Variants in FRAS1 observed in about 807,000 individuals in gnomAD.
The protein encoded by FRAS1 is extracellular matrix organizing protein FRAS1.
Under a neutral mutation model 435.2 loss-of-function variants are expected in FRAS1, and 290 were observed. The ratio of observed to expected loss-of-function variants is 0.67; its 90% CI spans 0.61 to 0.73. The LOEUF (loss-of-function observed/expected upper bound fraction) is 0.73, where lower values mean the gene tolerates loss of function less well. Among genes scored for constraint, FRAS1 ranks in the 30% least tolerant of loss-of-function variants. The pLI is 0.00. For missense variants in FRAS1, 4,860 were observed against 5,001.5 expected (o/e 0.97, Z 0.85); for synonymous variants, 1,800 against 1,851.0 (o/e 0.97, Z 0.71).
Position 78,445,634 on chromosome 4 carries a change from A to T in FRAS1, c.5778A>T (p.Pro1926=), listed in dbSNP as rs767177500. ...AGAGTGTTCATGAAAGCATTGAGCCAACCCATGATATTTTTAGTTTTTATG... is the reference window on the plus strand; with the variant it reads ...AGAGTGTTCATGAAAGCATTGAGCCTACCCATGATATTTTTAGTTTTTATG... ...YFQSVHESIE[P]THDIFSFYVS... is the part of the protein sequence containing the mutation. Residue 1926 remains proline (P), a synonymous_variant, in exon 42 of 74, where the codon CCA becomes CCT. Transcript: ENST00000512123. The T allele has an allele frequency of 6.2e-7, 1 of 1,613,938 alleles. No homozygotes were observed. The highest frequency in any genetic ancestry group is 8.5e-7 in the Non-Finnish European group (1 of 1,179,850).
chr4:78,191,917 A>G (rs1465154034), intron 2 of FRAS1, among the ~76,000 whole-genome samples: 2 of 152,142 alleles, frequency 1.3e-5, no homozygotes, highest in Non-Finnish European at 2.9e-5. Flanking sequence ...TATATGTGCC[A>G]CATTTTCTTA....
chr4:78,336,922 C>T (rs1396027515), intron 19 of FRAS1, among the ~76,000 whole-genome samples: 3 of 152,146 alleles, frequency 2.0e-5, no homozygotes, highest in Non-Finnish European at 2.9e-5. Flanking sequence ...CAGCTGCAGC[C>T]GCCTCTGATT....
rs190627479 is a variant in FRAS1, at chr4:78,161,180, G to A, written c.109-76330G>A. On this transcript the variant is annotated intron_variant, in intron 2 of 73. Transcript: ENST00000512123. ...ATAAAAAGAAGCTTTATAAAGAAAA[G>A]GAAAGTAATAGGATTATTTTAATTA... 1.0e-3 allele frequency among the ~76,000 whole-genome samples: 154 copies of A among 151,916 alleles called. 1 individual carries two copies. Among genetic ancestry groups the A allele is most frequent in the Admixed American group, 3.7e-3 (57 of 15,242 alleles).
chr4:78,396,423 G>A (rs1732666145), intron 29 of FRAS1, among the ~76,000 whole-genome samples: 1 of 152,142 alleles, frequency 6.6e-6, no homozygotes, highest in African/African-American at 2.4e-5. Context: ...CAGGACTTTA[G>A]TGGTAACAAA....
At chr4:78,096,739 G>A (rs1741829889) in intron 2 of FRAS1, among the ~76,000 whole-genome samples, 1 of 152,200 alleles carries the variant, frequency 6.6e-6, no homozygotes. Flanking sequence ...ACTCCACACA[G>A]CAAGTGGACC....
chr4:78,241,353 G>T (rs755476940), intron 3 of FRAS1, among the ~76,000 whole-genome samples: 39 of 152,146 alleles, frequency 2.6e-4, no homozygotes, highest in Non-Finnish European at 5.4e-4. Context: ...CAGGAATCTT[G>T]CCATCTTCAC....
At chr4:78,267,214 C>T (rs1726403422) in intron 8 of FRAS1, 27 bp from the exon 9 acceptor site, 1 of 1,605,584 alleles carries the variant, frequency 6.2e-7, no homozygotes, top group Non-Finnish European at 8.5e-7. Context: ...CTGAGGACTG[C>T]CCCTCACCTT....
At chr4:78,207,354 A>T (rs1438607864) in intron 2 of FRAS1, among the ~76,000 whole-genome samples, 3 of 152,248 alleles carry the variant, frequency 2.0e-5, no homozygotes, top group African/African-American at 7.2e-5. Context: ...GATTACTTTT[A>T]AATTGCTGTC....
At chr4:78,312,879 G>GAGAGAGAGAGAA (rs143465313) in intron 15 of FRAS1, among the ~76,000 whole-genome samples, 6,643 of 128,030 alleles carry the variant, frequency 0.052, 208 homozygotes, top group Non-Finnish European at 0.075. Flanking sequence ...GAGAGAGAGA[G>GAGAGAGAGAGAA]AGAAAGAAAG....
chr4:78,130,204 C>T (rs927413408), intron 2 of FRAS1, among the ~76,000 whole-genome samples: 6 of 152,092 alleles, frequency 3.9e-5, no homozygotes, highest in Non-Finnish European at 8.8e-5. Flanking sequence ...TCATACCTTC[C>T]GGTTTTAAGC....
chr4:78,113,588 G>C (rs1453441705), intron 2 of FRAS1, among the ~76,000 whole-genome samples: 6 of 152,210 alleles, frequency 3.9e-5, no homozygotes, highest in Non-Finnish European at 8.8e-5. Flanking sequence ...GTGATGATGA[G>C]CATTTTTTCA....
chr4:78,388,346 AC>A lies in FRAS1; in HGVS notation c.3975+646del, dbSNP rs1341871091. 2.9e-3 allele frequency among the ~76,000 whole-genome samples: 438 copies of A among 151,154 alleles called. 3 individuals carry two copies. The highest frequency in any genetic ancestry group is 9.6e-3 in the African/African-American group (391 of 40,936). On this transcript the variant is annotated intron_variant, in intron 29 of 73. Transcript: ENST00000512123. ...TCTCAAAAACCAAAAAAAAAAAAAA[AC>A]AAAAAAAACCCAGCTCATCAAATGT... is the stretch of plus-strand genomic sequence containing the variant.
chr4:78,320,961 T>C (rs923138833), intron 18 of FRAS1, among the ~76,000 whole-genome samples: 4 of 152,182 alleles, frequency 2.6e-5, no homozygotes, highest in Non-Finnish European at 4.4e-5. Flanking sequence ...AGTGCTCCCA[T>C]GAAAAAACAA....
At chr4:78,182,129 A>C in intron 2 of FRAS1, 5 of 1,045,742 alleles carry the variant, frequency 4.8e-6, no homozygotes, top group Non-Finnish European at 6.9e-6. Flanking sequence ...TCTTCCCACA[A>C]GATGGCCGGG....
chr4:78,404,753 A>G (rs145373726), intron 30 of FRAS1, among the ~76,000 whole-genome samples: 1 of 152,304 alleles, frequency 6.6e-6, no homozygotes, highest in Non-Finnish European at 1.5e-5. Flanking sequence ...TCAGGTTCCC[A>G]TCTCTCCTCT....
chr4:78,179,792 ACATAGGAGCTACCCAGGG>A (rs1290270595), intron 2 of FRAS1, among the ~76,000 whole-genome samples: 3 of 152,208 alleles, frequency 2.0e-5, no homozygotes, highest in Admixed American at 6.5e-5. Context: ...TGTCCCACTG[ACATAGGAGCTACCCAGGG>A]CATAGGAGCT....
At chr4:78,477,685 G>A (rs1199669282) in intron 54 of FRAS1, 130 bp from the exon 55 acceptor site, 1 of 1,164,776 alleles carries the variant, frequency 8.6e-7, no homozygotes, top group Admixed American at 2.8e-5. Context: ...AACCAGGGCT[G>A]GGAGAACCAG....
At chr4:78,426,233 T>C (rs1733992269) in intron 35 of FRAS1, among the ~76,000 whole-genome samples, 1 of 152,160 alleles carries the variant, frequency 6.6e-6, no homozygotes, top group Non-Finnish European at 1.5e-5. Flanking sequence ...GAAAAGTGAG[T>C]GTCATGGTAG....
intron 2 of FRAS1, among the ~76,000 whole-genome samples, chr4:78,149,104 C>T (rs17002976): frequency 0.023 from 3,553 of 152,048 alleles, 94 homozygotes; most frequent in South Asian, 0.086. Flanking sequence ...TTTGGCTTTC[C>T]CCACAATCCC....
Sources: allele counts gnomAD v4.1 joint callset (sites outside exome capture counted in the v4.1 genomes callset), GRCh38; gene constraint gnomAD v4.1.1; transcripts MANE v1.5; gene names NCBI Gene and HGNC (gene_info 2026-07-23, HGNC 2026-07-21).